Variants in CNIH3 observed in about 807,000 individuals in gnomAD.
CNIH3 encodes the protein cornichon family AMPA receptor auxiliary protein 3, also known as protein cornichon homolog 3.
Under a neutral mutation model 24.1 loss-of-function variants are expected in CNIH3, and 14 were observed. The observed-to-expected ratio is 0.58, with a 90% confidence interval of 0.38 to 0.91. The LOEUF (loss-of-function observed/expected upper bound fraction) is 0.91. CNIH3 is among the 40% of genes least tolerant of loss of function. The probability of loss-of-function intolerance (pLI) is 0.00; values close to 1 mark genes in which losing one functional copy is unlikely to be tolerated. For missense variants in CNIH3, 178 were observed against 196.8 expected (o/e 0.90, Z 0.57); for synonymous variants, 68 against 73.8 (o/e 0.92, Z 0.40).
chr1:224,522,924 G>A (rs115583619), intron 2 of CNIH3, among the ~76,000 whole-genome samples: 1,662 of 152,300 alleles, frequency 0.011, 10 homozygotes, highest in Non-Finnish European at 0.017. Context: ...GTGTGCGTAT[G>A]TGTAAGAAAA....
intron 3 of CNIH3, among the ~76,000 whole-genome samples, chr1:224,562,980 T>G (rs1680435427): frequency 6.6e-6 from 1 of 152,152 alleles, no homozygotes. Context: ...TTCCAGCACT[T>G]TGGGAAACTG....
chr1:224,603,407 C>T (rs1202374612), intron 3 of CNIH3, among the ~76,000 whole-genome samples: 1 of 152,192 alleles, frequency 6.6e-6, no homozygotes, highest in Admixed American at 6.5e-5. Context: ...CTTTGTTCTT[C>T]CTGGTAGAAG....
At chr1:224,562,192 C>T (rs1680402445) in intron 3 of CNIH3, among the ~76,000 whole-genome samples, 1 of 152,164 alleles carries the variant, frequency 6.6e-6, no homozygotes, top group Non-Finnish European at 1.5e-5. Flanking sequence ...ATCTCATTTA[C>T]TCTTTAACCG....
At chr1:224,571,263 G>A (rs903336688) in intron 4 of CNIH3, among the ~76,000 whole-genome samples, 5 of 152,214 alleles carry the variant, frequency 3.3e-5, no homozygotes, top group Admixed American at 3.3e-4. Flanking sequence ...TCTTTTGAGA[G>A]TGGCCCTAAT....
chr1:224,533,257 AT>A lies in CNIH3; in HGVS notation n.344-3678del, dbSNP rs201878298. The stretch of plus-strand genomic sequence containing the variant: ...GAGCATGTCTCTACAAAAAAAAAAA[AT>A]AAAATAAAATTGGCTGAGAGTAGTG... On this transcript the variant is annotated intron_variant and non_coding_transcript_variant, in intron 2 of 2. Coordinates refer to the CNIH3 transcript ENST00000470602. 4.2e-3 allele frequency among the ~76,000 whole-genome samples: 628 copies of A among 148,790 alleles called. 5 individuals carry two copies. The highest frequency in any genetic ancestry group is 0.014 in the African/African-American group (544 of 39,088).
chr1:224,542,916 C>T (rs1277640318), intron 2 of CNIH3, among the ~76,000 whole-genome samples: 3 of 152,164 alleles, frequency 2.0e-5, no homozygotes, highest in Non-Finnish European at 4.4e-5. Flanking sequence ...TTGGAATTTT[C>T]CAAGTTGTCT....
rs529866124 is a variant in CNIH3, at chr1:224,740,178, A to G, written c.*822A>G. Reference sequence around the variant, plus strand: ...AAATCCTGTGGAGTGGCTGCTCTGTACCGTGGGCATCCGGCAGCCAGGAAG... The same window carrying G: ...AAATCCTGTGGAGTGGCTGCTCTGTGCCGTGGGCATCCGGCAGCCAGGAAG... On this transcript the variant is annotated 3_prime_UTR_variant, in exon 6 of 6. Coordinates refer to ENST00000272133, the MANE Select transcript of CNIH3 (RefSeq NM_152495.2). The G allele has an allele frequency of 6.6e-6, 1 of 152,308 alleles. No individual in the cohort carries two copies. Among genetic ancestry groups the G allele is most frequent in the African/African-American group, 2.4e-5 (1 of 41,564 alleles). 9.4% of individuals were successfully genotyped at this position (152,308 alleles called of 1,614,324 possible).
At chr1:224,627,386 C>G (rs897449527) in intron 1 of CNIH3, among the ~76,000 whole-genome samples, 2 of 152,142 alleles carry the variant, frequency 1.3e-5, no homozygotes, top group South Asian at 4.1e-4. Context: ...CCACCACACC[C>G]AGCTAATTTT....
chr1:224,538,830 ATTT>A (rs71574506), downstream of CNIH3, among the ~76,000 whole-genome samples: 13 of 124,234 alleles, frequency 1.0e-4, no homozygotes, highest in African/African-American at 3.9e-4. Context: ...AGCTAATTAC[ATTT>A]TTTTTTTTTT....
intron 1 of CNIH3, among the ~76,000 whole-genome samples, chr1:224,641,848 G>T (rs2125092897): frequency 6.6e-6 from 1 of 152,184 alleles, no homozygotes. Flanking sequence ...AATTTTCCTG[G>T]TGCTCCCAGG....
At chr1:224,518,007 G>A (rs79429162) in intron 1 of CNIH3, among the ~76,000 whole-genome samples, 9,480 of 152,168 alleles carry the variant, frequency 0.062, 439 homozygotes, top group Middle Eastern at 0.095. Flanking sequence ...GCAAGCGGCA[G>A]GACAGCATGC....
chr1:224,737,758 A>G (rs564492189), intron 5 of CNIH3, among the ~76,000 whole-genome samples: 1 of 152,186 alleles, frequency 6.6e-6, no homozygotes, highest in Admixed American at 6.5e-5. Flanking sequence ...GTCCCTGCTA[A>G]TAATTAGCAA....
chr1:224,621,918 T>G (rs1226821173), intron 1 of CNIH3, among the ~76,000 whole-genome samples: 2 of 152,160 alleles, frequency 1.3e-5, no homozygotes, highest in African/African-American at 2.4e-5. Flanking sequence ...GGGTTTTTTT[T>G]GTGCTGTTCT....
chr1:224,583,993 A>C (rs1681387044), intron 5 of CNIH3, among the ~76,000 whole-genome samples: 1 of 152,220 alleles, frequency 6.6e-6, no homozygotes, highest in Admixed American at 6.5e-5. Context: ...ACATTAGCAT[A>C]GCTAAGTTCT....
chr1:224,443,451 C>G (rs1675002949), intron 1 of CNIH3, among the ~76,000 whole-genome samples: 1 of 152,080 alleles, frequency 6.6e-6, no homozygotes, highest in Non-Finnish European at 1.5e-5. Context: ...GGTCAGCTGG[C>G]AAAGGAAGCC....
downstream of CNIH3, among the ~76,000 whole-genome samples, chr1:224,590,156 C>T (rs76005443): frequency 1.7e-3 from 255 of 152,228 alleles, 1 homozygote; most frequent in African/African-American, 5.8e-3. Flanking sequence ...ATTACAGACG[C>T]GAGCCATCAC....
intron 1 of CNIH3, among the ~76,000 whole-genome samples, chr1:224,655,876 A>G (rs927259337): frequency 1.3e-5 from 2 of 152,216 alleles, no homozygotes; most frequent in African/African-American, 4.8e-5. Flanking sequence ...AGGGAGGGGC[A>G]GTATGGAAGC....
intron 1 of CNIH3, among the ~76,000 whole-genome samples, chr1:224,657,891 G>T (rs1450290306): frequency 6.6e-6 from 1 of 152,044 alleles, no homozygotes; most frequent in Non-Finnish European, 1.5e-5. Flanking sequence ...AAGGAAGATT[G>T]GTTATTTCTG....
chr1:224,437,059 T>G (rs1674700315), intron 1 of CNIH3: 1 of 152,220 alleles, frequency 6.6e-6, no homozygotes, highest in African/African-American at 2.4e-5. Context: ...TGGGTGTCAT[T>G]TATTAGGCTC....
Sources: allele counts gnomAD v4.1 joint callset (sites outside exome capture counted in the v4.1 genomes callset), GRCh38; gene constraint gnomAD v4.1.1; transcripts MANE v1.5; gene names NCBI Gene and HGNC (gene_info 2026-07-23, HGNC 2026-07-21).